ASH1L: variants seen among roughly 807,000 people sequenced by gnomAD.
ASH1L encodes the protein ASH1 like histone lysine methyltransferase.
A neutral mutation model predicts 269.0 loss-of-function variants in ASH1L; 23 were observed. That is an observed-to-expected ratio of 0.09 (90% CI 0.06 to 0.12). ASH1L has a LOEUF of 0.12. ASH1L is among the 10% of genes least tolerant of loss of function. The probability of loss-of-function intolerance (pLI) is 1.00; values close to 1 mark genes in which losing one functional copy is unlikely to be tolerated. For synonymous variants in ASH1L, 1,187 were observed against 1,253.5 expected (o/e 0.95, Z 1.12); for missense variants, 2,912 against 3,567.8 (o/e 0.82, Z 4.68).
chr1:155,369,691 G>A (rs1180151148), intron 12 of ASH1L, among the ~76,000 whole-genome samples: 2 of 152,240 alleles, frequency 1.3e-5, no homozygotes, highest in East Asian at 1.9e-4. Flanking sequence ...GCATGCAGTA[G>A]AGTGGCTGAA....
intron 21 of ASH1L, chr1:155,346,086 A>G (rs1468860177): frequency 9.0e-7 from 1 of 1,106,110 alleles, no homozygotes; most frequent in Non-Finnish European, 1.2e-6. Context: ...CATCCGCCTT[A>G]GCCTCCCAGT....
intron 2 of ASH1L, among the ~76,000 whole-genome samples, chr1:155,512,967 G>A (rs569886224): frequency 6.6e-6 from 1 of 151,974 alleles, no homozygotes; most frequent in Non-Finnish European, 1.5e-5. Flanking sequence ...TGAGGCGGTA[G>A]GATTGCTTGA....
intron 6 of ASH1L, among the ~76,000 whole-genome samples, chr1:155,406,112 G>A (rs1412555024): frequency 4.0e-5 from 6 of 149,770 alleles, no homozygotes; most frequent in Middle Eastern, 3.5e-3. Flanking sequence ...GCTGACAGAA[G>A]AGAATTGCTT....
At chr1:155,370,265 CA>C (rs996051657) in intron 12 of ASH1L, 4 of 526,812 alleles carry the variant, frequency 7.6e-6, no homozygotes, top group Non-Finnish European at 1.4e-5. Flanking sequence ...GCATGCCAAA[CA>C]AAAAAACCAA....
intron 4 of ASH1L, among the ~76,000 whole-genome samples, chr1:155,441,454 CTTTTT>C (rs34682576): frequency 5.4e-5 from 4 of 73,622 alleles, no homozygotes; most frequent in South Asian, 8.5e-4. Context: ...ATAAAGAATC[CTTTTT>C]TTTTTTTTTT....
At chr1:155,562,812 C>T (rs1370281971), upstream of ASH1L, 1 of 590,344 alleles carries the variant, frequency 1.7e-6, no homozygotes, top group East Asian at 4.0e-5. Flanking sequence ...TCCTCCTCCT[C>T]CTCCTCCACC....
chr1:155,485,813 C>A (rs1408122428), intron 2 of ASH1L, among the ~76,000 whole-genome samples: 1 of 152,084 alleles, frequency 6.6e-6, no homozygotes, highest in African/African-American at 2.4e-5. Flanking sequence ...TGAATCAGGG[C>A]TCCTGCAGAA....
intron 4 of ASH1L, among the ~76,000 whole-genome samples, chr1:155,446,279 A>G (rs1366438695): frequency 2.0e-5 from 3 of 150,706 alleles, no homozygotes; most frequent in Non-Finnish European, 4.4e-5. Context: ...AGTATTATTT[A>G]TATTTCAATT....
At chr1:155,525,822 C>T (rs1010084138) in intron 1 of ASH1L, among the ~76,000 whole-genome samples, 2 of 152,038 alleles carry the variant, frequency 1.3e-5, no homozygotes, top group Non-Finnish European at 2.9e-5. Flanking sequence ...CATCCCACCC[C>T]CTCAGATACC....
chr1:155,545,192 A>T (rs1471732626), intron 1 of ASH1L, among the ~76,000 whole-genome samples: 2 of 148,554 alleles, frequency 1.3e-5, no homozygotes, highest in African/African-American at 4.9e-5. Context: ...AAAAAAAAAA[A>T]AAAAAAAAAA....
intron 5 of ASH1L, among the ~76,000 whole-genome samples, 160 bp downstream of exon 5, chr1:155,438,167 A>C (rs559135561): frequency 6.6e-6 from 1 of 152,260 alleles, no homozygotes; most frequent in South Asian, 2.1e-4. Flanking sequence ...CTTAATTATA[A>C]CTTGTAAAAG....
intron 4 of ASH1L, among the ~76,000 whole-genome samples, chr1:155,456,115 C>CTCTG (rs780027509): frequency 1.3e-5 from 2 of 152,136 alleles, no homozygotes; most frequent in Non-Finnish European, 2.9e-5. Context: ...TGCTCTTTAT[C>CTCTG]TCTGTTGAAT....
chr1:155,469,560 A>G (rs141245630), intron 3 of ASH1L, among the ~76,000 whole-genome samples: 9 of 152,340 alleles, frequency 5.9e-5, no homozygotes, highest in Non-Finnish European at 1.0e-4. Flanking sequence ...TCCTTCTCAT[A>G]GCCTTAATAA....
At chr1:155,552,108 T>C (rs977749346) in intron 1 of ASH1L, among the ~76,000 whole-genome samples, 3 of 152,116 alleles carry the variant, frequency 2.0e-5, no homozygotes, top group African/African-American at 7.2e-5. Flanking sequence ...AAAGCAGGGA[T>C]CTTGTTTTGT....
intron 2 of ASH1L, among the ~76,000 whole-genome samples, chr1:155,508,023 A>C (rs1388654074): frequency 6.6e-6 from 1 of 150,626 alleles, no homozygotes; most frequent in Non-Finnish European, 1.5e-5. Context: ...TTTTTGGCTA[A>C]GCATACTAAA....
At chr1:155,522,052 CTA>C (rs1306677133) in intron 1 of ASH1L, among the ~76,000 whole-genome samples, 2 of 152,188 alleles carry the variant, frequency 1.3e-5, no homozygotes, top group Non-Finnish European at 2.9e-5. Flanking sequence ...ACTCCATTGA[CTA>C]TGTGATTATT....
chr1:155,367,314 C>T (rs1655522372), intron 12 of ASH1L, among the ~76,000 whole-genome samples: 1 of 152,094 alleles, frequency 6.6e-6, no homozygotes, highest in Non-Finnish European at 1.5e-5. Context: ...TTAAATTTCA[C>T]TTTCTACTTG....
At chr1:155,348,607 A>G (rs781423422) in intron 19 of ASH1L, among the ~76,000 whole-genome samples, 1 of 152,008 alleles carries the variant, frequency 6.6e-6, no homozygotes, top group Non-Finnish European at 1.5e-5. Flanking sequence ...ACTGGCCAGG[A>G]GCCGTGGCTC....
chr1:155,464,985 G>A (rs970077377), intron 3 of ASH1L, among the ~76,000 whole-genome samples: 5 of 152,024 alleles, frequency 3.3e-5, no homozygotes, highest in Admixed American at 1.3e-4. Flanking sequence ...AAAATGAGCA[G>A]AAACCAAGAA....
Sources: allele counts gnomAD v4.1 joint callset (sites outside exome capture counted in the v4.1 genomes callset), GRCh38; gene constraint gnomAD v4.1.1; transcripts MANE v1.5; gene names NCBI Gene and HGNC (gene_info 2026-07-23, HGNC 2026-07-21).